Variants in KIAA1671 observed in about 807,000 individuals in gnomAD.
KIAA1671 encodes KIAA1671, also known as uncharacterized protein KIAA1671.
Under a neutral mutation model 131.2 loss-of-function variants are expected in KIAA1671, and 52 were observed. The observed-to-expected ratio is 0.40, with a 90% CI of 0.32 to 0.50. The LOEUF is 0.50. Among genes scored for constraint, KIAA1671 ranks in the 20% least tolerant of loss-of-function variants. KIAA1671 has a pLI of 0.73. For missense variants in KIAA1671, 2,360 were observed against 2,364.2 expected, an observed-to-expected ratio of 1.00 and a Z score of 0.04; for synonymous variants, 1,003 against 961.6, an observed-to-expected ratio of 1.04 and a Z score of -0.80.
rs1928519284 is a variant in KIAA1671, at chr22:25,067,141, C to T, written c.4530+17777C>T. ...GGGGGTGTGCCCTGGTGCGTCTGAC[C>T]ACCTCTGGTTGGGAGATGGGGACTT... On this transcript the variant is annotated intron_variant, in intron 6 of 12. Transcript: ENST00000358431. 2.6e-5 allele frequency among the ~76,000 whole-genome samples: 4 copies of T among 152,212 alleles called. No homozygotes were observed. The South Asian group carries it at 8.3e-4, about 32-fold the overall frequency.
chr22:25,173,990 T>G (rs1206607990), intron 7 of KIAA1671, among the ~76,000 whole-genome samples: 1 of 152,152 alleles, frequency 6.6e-6, no homozygotes, highest in Non-Finnish European at 1.5e-5. Flanking sequence ...CAAAGGATCT[T>G]GAGTGGCACA....
intron 6 of KIAA1671, among the ~76,000 whole-genome samples, chr22:25,093,368 A>G (rs1568950644): frequency 6.6e-6 from 1 of 152,204 alleles, no homozygotes; most frequent in Non-Finnish European, 1.5e-5. Flanking sequence ...GTGGAATGCC[A>G]TAAAATAATG....
intron 6 of KIAA1671, among the ~76,000 whole-genome samples, chr22:25,168,909 G>A (rs2146008637): frequency 6.6e-6 from 1 of 152,172 alleles, no homozygotes; most frequent in South Asian, 2.1e-4. Context: ...GGAAATGTGG[G>A]GGCTCACTTT....
intron 6 of KIAA1671, among the ~76,000 whole-genome samples, chr22:25,150,224 T>G (rs1932989075): frequency 6.6e-6 from 1 of 152,216 alleles, no homozygotes; most frequent in Non-Finnish European, 1.5e-5. Flanking sequence ...TTTCCTCTGC[T>G]GTTCTCATCA....
At chr22:25,167,358 GAT>G (rs1933680155) in intron 6 of KIAA1671, among the ~76,000 whole-genome samples, 1 of 152,182 alleles carries the variant, frequency 6.6e-6, no homozygotes. Context: ...TAATTGCAGA[GAT>G]GTGTTGATTT....
chr22:25,032,578 T>C, intron 3 of KIAA1671, 31 bp from the exon 4 acceptor site: 1 of 1,433,648 alleles, frequency 7.0e-7, no homozygotes. Context: ...AGCTTCCAGC[T>C]CCATGAAGGT....
chr22:25,156,532 T>A (rs1933249507), intron 6 of KIAA1671, among the ~76,000 whole-genome samples: 1 of 151,564 alleles, frequency 6.6e-6, no homozygotes, highest in Non-Finnish European at 1.5e-5. Flanking sequence ...TATGTGTATG[T>A]GTACATCCGT....
At chr22:25,177,780 G>T (rs183184191) in intron 9 of KIAA1671, among the ~76,000 whole-genome samples, 1 of 152,274 alleles carries the variant, frequency 6.6e-6, no homozygotes, top group Admixed American at 6.5e-5. Context: ...CTGCCACCAT[G>T]AGTAATATCC....
intron 1 of KIAA1671, among the ~76,000 whole-genome samples, chr22:24,991,211 C>T (rs966344796): frequency 1.3e-5 from 2 of 151,012 alleles, no homozygotes; most frequent in East Asian, 2.0e-4. Context: ...TTAGTAGAGA[C>T]GGGGTTTCAC....
intron 6 of KIAA1671, among the ~76,000 whole-genome samples, chr22:25,145,157 G>T (rs1932858346): frequency 6.6e-6 from 1 of 152,172 alleles, no homozygotes; most frequent in South Asian, 2.1e-4. Context: ...GCCCAGCGTG[G>T]GTTCCCTAAT....
At chr22:25,099,537 G>GT (rs1223034273) in intron 6 of KIAA1671, among the ~76,000 whole-genome samples, 3 of 112,110 alleles carry the variant, frequency 2.7e-5, no homozygotes, top group African/African-American at 3.9e-5. Context: ...CAAAATGTGG[G>GT]TTTTTTTGTT....
At chr22:25,149,645 G>A (rs875353) in intron 6 of KIAA1671, among the ~76,000 whole-genome samples, 39,487 of 151,780 alleles carry the variant, frequency 0.26, 5,220 homozygotes, top group South Asian at 0.36. Context: ...TCTCTTTATC[G>A]CTTTGCCCTG....
chr22:25,140,038 C>A (rs897579019), intron 6 of KIAA1671, among the ~76,000 whole-genome samples: 3 of 152,204 alleles, frequency 2.0e-5, no homozygotes, highest in Admixed American at 2.0e-4. Flanking sequence ...ATATAAATAT[C>A]TCACAGTTTT....
At chr22:24,957,840 G>C (rs1921795479) in intron 1 of KIAA1671, among the ~76,000 whole-genome samples, 1 of 151,522 alleles carries the variant, frequency 6.6e-6, no homozygotes, top group Non-Finnish European at 1.5e-5. Flanking sequence ...ACCACGCCTG[G>C]CTAATTTTGT....
chr22:25,062,456 C>G (rs1367628183), intron 6 of KIAA1671: 2 of 152,324 alleles, frequency 1.3e-5, no homozygotes, highest in Non-Finnish European at 2.9e-5. Flanking sequence ...CTCCCCCCAG[C>G]CCCCACCCCA....
chr22:25,160,313 G>T (rs1026534183), intron 6 of KIAA1671, among the ~76,000 whole-genome samples: 3 of 152,160 alleles, frequency 2.0e-5, no homozygotes, highest in Non-Finnish European at 4.4e-5. Context: ...TGCCCCTGTG[G>T]GTGGAGCCAC....
intron 10 of KIAA1671, among the ~76,000 whole-genome samples, chr22:25,182,138 C>T (rs531262627): frequency 1.6e-4 from 25 of 151,930 alleles, no homozygotes; most frequent in Non-Finnish European, 3.2e-4. Context: ...GAGATTGCGC[C>T]ACGGCACTCC....
chr22:25,102,165 A>G (rs901288559), intron 6 of KIAA1671, among the ~76,000 whole-genome samples: 4 of 152,222 alleles, frequency 2.6e-5, no homozygotes, highest in Non-Finnish European at 5.9e-5. Flanking sequence ...AAGCTGGGAA[A>G]CAGGTAATAT....
chr22:25,101,735 T>A (rs1457752002), intron 6 of KIAA1671, among the ~76,000 whole-genome samples: 2 of 152,180 alleles, frequency 1.3e-5, no homozygotes, highest in East Asian at 3.9e-4. Flanking sequence ...GTCCTGTGAC[T>A]TGGGTTCAAG....
Sources: gnomAD v4.1 joint callset for allele counts (sites outside exome capture counted in the v4.1 genomes callset) on GRCh38, gnomAD v4.1.1 for gene constraint, MANE v1.5 for transcripts, NCBI Gene and HGNC (gene_info 2026-07-23, HGNC 2026-07-21) for gene names.